Variants in AOC1 observed in about 807,000 individuals in gnomAD.
The protein encoded by AOC1 is amine oxidase copper containing 1, also known as diamine oxidase [copper-containing].
Under a neutral mutation model 57.1 loss-of-function variants are expected in AOC1, and 58 were observed. The observed-to-expected ratio is 1.02, with a 90% CI of 0.82 to 1.26. AOC1 has a LOEUF of 1.26. AOC1 is among the 50% of genes most tolerant of loss of function. The probability of loss-of-function intolerance (pLI) is 0.00; values close to 1 mark genes in which losing one functional copy is unlikely to be tolerated. For missense variants in AOC1, 917 were observed against 1,005.3 expected, an observed-to-expected ratio of 0.91 and a Z score of 1.19; for synonymous variants, 401 against 423.4, an observed-to-expected ratio of 0.95 and a Z score of 0.65.
intron 3 of AOC1, 70 bp from the exon 4 acceptor site, chr7:150,860,431 G>A (rs1299535244): frequency 6.2e-7 from 1 of 1,608,948 alleles, no homozygotes. Flanking sequence ...CCCTGAGGCT[G>A]TTCCCTGGGC....
rs1209049251 is a variant in AOC1 at position 150,856,558 on chromosome 7, G to A, written c.88G>A (p.Ala30Thr). 1.2e-6 allele frequency: 2 copies of A among 1,614,142 alleles called. No individual in the cohort carries two copies. The highest frequency in any genetic ancestry group is 3.3e-5 in the Admixed American group (2 of 60,028). ...CTCCCCGGGGACTCTGCCCAGGAAG[G>A]CAGGGGTGTTTTCAGACCTAAGCAA... ...EPSPGTLPRK[A>T]GVFSDLSNQE... is the part of the protein sequence containing the mutation. The change falls in exon 2 of 5, where the codon GCA becomes ACA. Residue 30 changes from alanine (A) to threonine (T), a missense_variant. Coordinates refer to ENST00000360937, the MANE Select transcript of AOC1 (RefSeq NM_001091.4). This position sits in a 1 kb window ranked among gnomAD's most constrained non-coding sequence, Gnocchi z 5.2.
At position 150,858,975 on chromosome 7, in the gene AOC1, CT is replaced by C; in HGVS notation, c.1784del (p.Leu595ArgfsTer30). On this transcript the variant is annotated frameshift_variant, in exon 3 of 5. Coordinates refer to ENST00000360937, the MANE Select transcript of AOC1 (RefSeq NM_001091.4). LOFTEE classifies it high-confidence loss of function. ...CTGGGGCCACAAGCGCACGTACCGC[CT>C]GCAGATCCACTCCATGGCCGACCAG... ...NPWGHKRTYR[L>X]QIHSMADQVL... is the part of the protein sequence containing the mutation. The C allele has an allele frequency of 1.2e-6, 2 of 1,605,942 alleles. No individual in the cohort carries two copies. The highest frequency in any genetic ancestry group is 2.2e-5 in the South Asian group (2 of 90,444).
chr7:150,858,762 G>T lies in AOC1; in HGVS notation c.1571-1G>T. The T allele has an allele frequency of 6.3e-7, 1 of 1,592,378 alleles. No homozygotes were observed. Among genetic ancestry groups the T allele is most frequent in the Non-Finnish European group, 8.6e-7 (1 of 1,163,252 alleles). ...TTCTCCTTCTCCCTGCATACCTCCA[G>T]GCACCAAGAACAGCTTCCAGACACT... On this transcript the variant is annotated splice_acceptor_variant, in intron 2 of 4. Transcript: ENST00000360937. LOFTEE classifies it high-confidence loss of function.
intron 4 of AOC1, 67 bp downstream of exon 4, chr7:150,860,700 C>T: frequency 2.6e-6 from 4 of 1,557,786 alleles, no homozygotes; most frequent in Non-Finnish European, 3.5e-6. Context: ...CCAGGACCAT[C>T]CTCATCACCA....
At position 150,856,109 on chromosome 7, in the gene AOC1, TG is replaced by T. The variant is rs1346215842; in HGVS notation, c.-16-341del. Among the ~76,000 whole-genome samples the T allele has an allele frequency of 6.6e-6, 1 of 152,162 alleles. No homozygotes were observed. Among genetic ancestry groups the T allele is most frequent in the African/African-American group, 2.4e-5 (1 of 41,440 alleles). ...TCTTCTCCAGGACACAAGAAGCACC[TG>T]GGGGCATGTGCAGGGGCCCAGCCTG... On this transcript the variant is annotated intron_variant, in intron 1 of 4. Coordinates refer to ENST00000360937, the MANE Select transcript of AOC1 (RefSeq NM_001091.4). This position sits in a 1 kb window ranked among gnomAD's most constrained non-coding sequence, Gnocchi z 5.2.
chr7:150,859,696 AGT>A, intron 3 of AOC1: 1 of 114,592 alleles, frequency 8.7e-6, no homozygotes, highest in African/African-American at 3.9e-5. Flanking sequence ...GAGCAAGACT[AGT>A]TCTCAAAAAA....
chr7:150,853,384 G>A (rs1465194004), intron 1 of AOC1, among the ~76,000 whole-genome samples: 1 of 151,836 alleles, frequency 6.6e-6, no homozygotes, highest in Non-Finnish European at 1.5e-5. Flanking sequence ...AGTACCTTTC[G>A]CTCAATTTTG....
Position 150,852,836 on chromosome 7 carries a change from C to A in AOC1, c.-17+278C>A, listed in dbSNP as rs1056543535. ...TGCCTGGAGGTCTCACCAGCCACCA[C>A]CCCCACTGCCACTGCACATGGGGAC... On this transcript the variant is annotated intron_variant, in intron 1 of 4. Transcript: ENST00000360937. This position sits in a 1 kb window ranked among gnomAD's most constrained non-coding sequence, Gnocchi z 4.6. 6.6e-5 allele frequency among the ~76,000 whole-genome samples: 10 copies of A among 152,118 alleles called. No individual in the cohort carries two copies. The highest frequency in any genetic ancestry group is 2.4e-4 in the African/African-American group (10 of 41,418).
chr7:150,857,677 T>C lies in AOC1; in HGVS notation c.1207T>C (p.Tyr403His), dbSNP rs1281967946. Reference sequence around the variant, plus strand: ...CGCCACCTTCCTGGACACTTTCCACTACTATGATGCCGATGACCCGGTCCA... The same window carrying C: ...CGCCACCTTCCTGGACACTTTCCACCACTATGATGCCGATGACCCGGTCCA... ...ETATFLDTFH[Y>H]YDADDPVHYP... Residue 403 changes from tyrosine (Y) to histidine (H), a missense_variant, in exon 2 of 5, where the codon TAC (tyrosine) becomes CAC (histidine). By Grantham distance (83) the Tyr-to-His change is moderately conservative. Transcript: ENST00000360937. This position sits in a 1 kb window ranked among gnomAD's most constrained non-coding sequence, Gnocchi z 6.6. 1.2e-6 allele frequency: 2 copies of C among 1,614,116 alleles called. No individual in the cohort carries two copies. Among genetic ancestry groups the C allele is most frequent in the African/African-American group, 1.3e-5 (1 of 75,038 alleles).
intron 3 of AOC1, 113 bp downstream of exon 3, chr7:150,859,161 T>C (rs1563098108): frequency 2.5e-6 from 3 of 1,197,648 alleles, no homozygotes; most frequent in Middle Eastern, 2.9e-4. Context: ...GATATACACA[T>C]ATACGTATGT....
Position 150,860,638 on chromosome 7 carries a change from TGCCCTGTCCCCA to T in AOC1, c.1989+12_1989+23del, listed in dbSNP as rs1799941766. Reference sequence around the variant, plus strand: ...AACGAGAACATTGAAAATGAGGTACTGCCCTGTCCCCAGCCCTGCCCGGTGCTGGCCCTGCCT... The same window carrying T: ...AACGAGAACATTGAAAATGAGGTACTGCCCTGCCCGGTGCTGGCCCTGCCT... On this transcript the variant is annotated splice_donor_region_variant and intron_variant, in intron 4 of 4. Transcript: ENST00000360937. The T allele has an allele frequency of 1.2e-6, 2 of 1,613,604 alleles. No homozygotes were observed. Among genetic ancestry groups the T allele is most frequent in the Non-Finnish European group, 1.7e-6 (2 of 1,179,652 alleles).
chr7:150,857,768 C>A lies in AOC1; in HGVS notation c.1298C>A (p.Ser433Tyr). 1.2e-6 allele frequency: 2 copies of A among 1,614,172 alleles called. No individual in the cohort carries two copies. The highest frequency in any genetic ancestry group is 1.3e-5 in the African/African-American group (1 of 75,056). ...GTGCCCCTTCGGCGGCACTTTAATTCCAACTTTAAAGGTGGCTTCAACTTC... is the reference window on the plus strand; with the variant it reads ...GTGCCCCTTCGGCGGCACTTTAATTACAACTTTAAAGGTGGCTTCAACTTC... ...TGVPLRRHFNSNFKGGFNFYA... is the reference protein window; with the variant it reads ...TGVPLRRHFNYNFKGGFNFYA... The change falls in exon 2 of 5, where the codon TCC (serine) becomes TAC (tyrosine). Residue 433 changes from serine (S) to tyrosine (Y), a missense_variant. Coordinates refer to ENST00000360937, the MANE Select transcript of AOC1 (RefSeq NM_001091.4). The surrounding 1 kb of genome is among the most constrained non-coding windows in gnomAD (Gnocchi z 6.6).
intron 1 of AOC1, among the ~76,000 whole-genome samples, chr7:150,855,508 T>C (rs1799744822): frequency 6.6e-6 from 1 of 151,792 alleles, no homozygotes; most frequent in Non-Finnish European, 1.5e-5. Context: ...GTGAAGACCC[T>C]GACCCACCCT....
Position 150,860,599 on chromosome 7 carries a change from A to G in AOC1, c.1955A>G (p.Gln652Arg). Residue 652 changes from glutamine to arginine, a missense_variant, in exon 4 of 5, where the codon CAG (glutamine) becomes CGG (arginine). Gln to Arg is a conservative substitution (Grantham distance 43). Transcript: ENST00000360937. ...DPWHPPVVFE[Q>R]FLHNNENIEN... is the part of the protein sequence containing the mutation. ...TGGCACCCGCCCGTGGTCTTTGAGC[A>G]GTTTCTTCACAACAACGAGAACATT... The G allele has an allele frequency of 6.2e-7, 1 of 1,614,014 alleles. No individual in the cohort carries two copies. The highest frequency in any genetic ancestry group is 1.1e-5 in the South Asian group (1 of 91,074).
At chr7:150,853,678 TATATATATATATA>T (rs1563086977) in intron 1 of AOC1, among the ~76,000 whole-genome samples, 1,163 of 91,990 alleles carry the variant, frequency 0.013, 28 homozygotes, top group African/African-American at 0.039. Context: ...TATATATATA[TATATATATATATA>T]TATATATTTA....
chr7:150,854,808 A>C (rs1281732716), intron 1 of AOC1, among the ~76,000 whole-genome samples: 3 of 152,120 alleles, frequency 2.0e-5, no homozygotes, highest in Non-Finnish European at 4.4e-5. Context: ...GAGCTGCTGC[A>C]CCTCAGTTAC....
intron 3 of AOC1, chr7:150,859,857 G>T: frequency 6.4e-6 from 1 of 155,170 alleles, no homozygotes; most frequent in South Asian, 1.9e-4. Flanking sequence ...GTCTCACGGT[G>T]GCAGAGGCGG....
Position 150,861,428 on chromosome 7 carries a change from G to C in AOC1, c.*219G>C. The C allele has an allele frequency of 2.0e-6, 1 of 500,840 alleles. No homozygotes were observed. The highest frequency in any genetic ancestry group is 3.5e-6 in the Non-Finnish European group (1 of 288,258). 31.0% of individuals were successfully genotyped at this position (500,840 alleles called of 1,614,324 possible). A position where few individuals can be genotyped will look rare whatever the true frequency, so the allele number is the denominator to read the frequency against. On this transcript the variant is annotated 3_prime_UTR_variant, in exon 5 of 5. Coordinates refer to ENST00000360937, the MANE Select transcript of AOC1 (RefSeq NM_001091.4). This position sits in a 1 kb window ranked among gnomAD's most constrained non-coding sequence, Gnocchi z 4.5. ...GACGTGCACACACACAGACGTGCAC[G>C]CACTCACACGGACATGCACACACAT...
chr7:150,861,473 C>T lies in AOC1; in HGVS notation c.*264C>T, dbSNP rs1024874274. ...ACACATGGCATGTACTTTATTCACA[C>T]TGGTCTACTGCAGTCCAGAAAAGCC... On this transcript the variant is annotated 3_prime_UTR_variant, in exon 5 of 5. Transcript: ENST00000360937. This position sits in a 1 kb window ranked among gnomAD's most constrained non-coding sequence, Gnocchi z 4.5. 9 of 394,360 alleles carry T rather than the reference C, an allele frequency of 2.3e-5. No homozygotes were observed. The East Asian group carries it at 3.4e-4, about 15-fold the overall frequency. 24.4% of individuals were successfully genotyped at this position (394,360 alleles called of 1,614,324 possible). A position where few individuals can be genotyped will look rare whatever the true frequency, so the allele number is the denominator to read the frequency against.
Sources: gnomAD v4.1 joint callset for allele counts (sites outside exome capture counted in the v4.1 genomes callset) on GRCh38, gnomAD v4.1.1 for gene constraint, Gnocchi (gnomAD v3.1) non-coding constraint, MANE v1.5 for transcripts, NCBI Gene and HGNC (gene_info 2026-07-23, HGNC 2026-07-21) for gene names.